Variants in STK10 observed in about 807,000 individuals in gnomAD.
STK10 encodes serine/threonine kinase 10, also known as serine/threonine-protein kinase 10.
Under a neutral mutation model 113.8 loss-of-function variants are expected in STK10, and 78 were observed. The ratio of observed to expected loss-of-function variants is 0.69; its 90% CI spans 0.57 to 0.83. STK10 has a LOEUF of 0.83. Ranked by LOEUF, STK10 falls within the 40% of genes least tolerant of loss-of-function variation. STK10 has a pLI of 0.00. For synonymous variants in STK10, 465 were observed against 494.7 expected (o/e 0.94, Z 0.80); for missense variants, 1,109 against 1,280.1 (o/e 0.87, Z 2.04).
rs1296828910 is a variant in STK10, at chr5:172,156,610, G to C, written c.321+14C>G. 4.4e-6 allele frequency: 7 copies of C among 1,608,842 alleles called. No homozygotes were observed. The highest frequency in any genetic ancestry group is 5.9e-6 in the Non-Finnish European group (7 of 1,176,560). On this transcript the variant is annotated intron_variant, in intron 2 of 18. Transcript: ENST00000176763. ...ATGGGGGCTGAGCTGGGACAGACAGGGCGGCAGCCTTACCCACAGCTTCCC... is the reference window on the plus strand; with the variant it reads ...ATGGGGGCTGAGCTGGGACAGACAGCGCGGCAGCCTTACCCACAGCTTCCC...
chr5:172,178,670 T>G (rs920045545), intron 1 of STK10, among the ~76,000 whole-genome samples: 5 of 152,210 alleles, frequency 3.3e-5, no homozygotes, highest in African/African-American at 7.2e-5. Flanking sequence ...AAGGACACAG[T>G]GGCTAAATGG....
rs1342033896 is a variant in STK10, at chr5:172,113,983, T to A, written c.520+3498A>T. ...TATGCATAGCACTGTGCAAAGAAAC[T>A]TATGCATATCATCTGCATATCTATT... On this transcript the variant is annotated intron_variant, in intron 4 of 18. Coordinates refer to ENST00000176763, the MANE Select transcript of STK10 (RefSeq NM_005990.4). Among the ~76,000 whole-genome samples the A allele has an allele frequency of 1.9e-4, 29 of 152,142 alleles. 1 individual carries two copies. The highest frequency in any genetic ancestry group is 1.9e-3 in the Admixed American group (29 of 15,260).
At chr5:172,183,246 T>C (rs1413842768) in intron 1 of STK10, among the ~76,000 whole-genome samples, 1 of 152,110 alleles carries the variant, frequency 6.6e-6, no homozygotes, top group Admixed American at 6.6e-5. Flanking sequence ...CATCTCAGCC[T>C]GCTAACCCAA....
At chr5:172,049,308 C>A (rs1005182495) in intron 18 of STK10, among the ~76,000 whole-genome samples, 6 of 152,084 alleles carry the variant, frequency 3.9e-5, no homozygotes, top group Non-Finnish European at 8.8e-5. Context: ...TGATAAACAC[C>A]ATGACAGGGG....
At chr5:172,112,770 G>T (rs1393848677) in intron 4 of STK10, among the ~76,000 whole-genome samples, 1 of 146,600 alleles carries the variant, frequency 6.8e-6, no homozygotes, top group African/African-American at 2.5e-5. Context: ...TTTTCAGATG[G>T]AGTTTCATTC....
At chr5:172,104,255 T>A (rs11955888) in intron 7 of STK10, among the ~76,000 whole-genome samples, 5,354 of 152,210 alleles carry the variant, frequency 0.035, 304 homozygotes, top group African/African-American at 0.12. Flanking sequence ...TTCCTCCCCC[T>A]CTTCCATCAG....
In STK10 at chr5:172,115,530, G is replaced by A. The variant is rs141928672; in HGVS notation, c.520+1951C>T. Among the ~76,000 whole-genome samples the A allele has an allele frequency of 7.9e-5, 12 of 152,328 alleles. No homozygotes were observed. The East Asian group carries it at 2.3e-3, about 29-fold the overall frequency. ...AACTAACTTTAAGGCCCACCCAGCTGTATTTCTTCTCCAATTTGGCTCCAT... is the reference window on the plus strand; with the variant it reads ...AACTAACTTTAAGGCCCACCCAGCTATATTTCTTCTCCAATTTGGCTCCAT... On this transcript the variant is annotated intron_variant, in intron 4 of 18. Coordinates refer to ENST00000176763, the MANE Select transcript of STK10 (RefSeq NM_005990.4).
chr5:172,150,943 T>C (rs557571060), intron 2 of STK10, among the ~76,000 whole-genome samples: 7 of 152,318 alleles, frequency 4.6e-5, no homozygotes, highest in Admixed American at 2.0e-4. Context: ...AAAGGGACTT[T>C]GGCTGCTCGC....
At chr5:172,168,893 C>G (rs989356235) in intron 1 of STK10, among the ~76,000 whole-genome samples, 2 of 152,190 alleles carry the variant, frequency 1.3e-5, no homozygotes, top group Non-Finnish European at 2.9e-5. Context: ...CAGAAACACT[C>G]AGGGTGAACC....
At chr5:172,092,691 T>C (rs1768745624) in intron 9 of STK10, 1 of 152,168 alleles carries the variant, frequency 6.6e-6, no homozygotes, top group Admixed American at 6.5e-5. Context: ...TCCTCTAAAA[T>C]GAGCTTTGGG....
Position 172,045,035 on chromosome 5 carries a change from G to A in STK10, c.2767-13C>T, listed in dbSNP as rs1335690900. The A allele has an allele frequency of 1.9e-6, 3 of 1,613,696 alleles. No homozygotes were observed. The highest frequency in any genetic ancestry group is 2.5e-6 in the Non-Finnish European group (3 of 1,179,822). On this transcript the variant is annotated splice_polypyrimidine_tract_variant and intron_variant, in intron 18 of 18. Coordinates refer to ENST00000176763, the MANE Select transcript of STK10 (RefSeq NM_005990.4). ...CCTCTTCCAGAGCCTAGGGAAGAGA[G>A]AGGATGGATGGCACTTGGTGAGATC... is the stretch of plus-strand genomic sequence containing the variant.
intron 4 of STK10, among the ~76,000 whole-genome samples, chr5:172,115,468 G>C (rs1391574271): frequency 6.6e-6 from 1 of 152,146 alleles, no homozygotes; most frequent in African/African-American, 2.4e-5. Context: ...TTAAGGGCCA[G>C]GGATACGGTC....
At position 172,042,694 on chromosome 5, in the gene STK10, G is replaced by C. The variant is rs1767404540; in HGVS notation, c.*2188C>G. Reference sequence around the variant, plus strand: ...TTCCCCAGCACCAATGCACCAAAGAGAATAAAAGGAGACAATTGTTTCGCT... The same window carrying C: ...TTCCCCAGCACCAATGCACCAAAGACAATAAAAGGAGACAATTGTTTCGCT... On this transcript the variant is annotated 3_prime_UTR_variant, in exon 19 of 19. Coordinates refer to ENST00000176763, the MANE Select transcript of STK10 (RefSeq NM_005990.4). 6.6e-6 allele frequency: 1 copy of C among 152,216 alleles called. No homozygotes were observed. The highest frequency in any genetic ancestry group is 1.5e-5 in the Non-Finnish European group (1 of 68,036). 9.4% of individuals were successfully genotyped at this position (152,216 alleles called of 1,614,324 possible). A position where few individuals can be genotyped will look rare whatever the true frequency, so the allele number is the denominator to read the frequency against.
chr5:172,151,773 T>A (rs559616797), intron 2 of STK10, among the ~76,000 whole-genome samples: 1 of 152,292 alleles, frequency 6.6e-6, no homozygotes, highest in African/African-American at 2.4e-5. Flanking sequence ...CACTGATGAA[T>A]CCCCAGCCCC....
rs113583166 is a variant in STK10, at chr5:172,070,261, ATC to A, written c.1990-5451_1990-5450del. On this transcript the variant is annotated intron_variant, in intron 12 of 18. Coordinates refer to ENST00000176763, the MANE Select transcript of STK10 (RefSeq NM_005990.4). ...AAAATTCCACCTCAAAAAAATATAT[ATC>A]TATATATCTATATATCTATATATAT... Among the ~76,000 whole-genome samples the A allele has an allele frequency of 4.5e-3, 419 of 92,502 alleles. 1 individual carries two copies. The highest frequency in any genetic ancestry group is 0.017 in the African/African-American group (378 of 22,440). 60.7% of individuals were successfully genotyped at this position (92,502 alleles called of 152,430 possible).
At position 172,182,418 on chromosome 5, in the gene STK10, T is replaced by C. The variant is rs190552080; in HGVS notation, c.156+5469A>G. Among the ~76,000 whole-genome samples, 24 of 152,140 alleles carry C rather than the reference T, an allele frequency of 1.6e-4. No homozygotes were observed. The East Asian group carries it at 4.4e-3, about 28-fold the overall frequency. On this transcript the variant is annotated intron_variant, in intron 1 of 18. Coordinates refer to ENST00000176763, the MANE Select transcript of STK10 (RefSeq NM_005990.4). ...GCCAGGGTCTCAGGGTCTCATTCTGTTGCCCAGGCTGGAGTGCAGAGGCGT... is the reference window on the plus strand; with the variant it reads ...GCCAGGGTCTCAGGGTCTCATTCTGCTGCCCAGGCTGGAGTGCAGAGGCGT...
At chr5:172,178,079 C>T (rs1007457171) in intron 1 of STK10, among the ~76,000 whole-genome samples, 5 of 152,220 alleles carry the variant, frequency 3.3e-5, no homozygotes, top group African/African-American at 4.8e-5. Flanking sequence ...CCACCCACCT[C>T]GGCCTCCCAA....
intron 4 of STK10, among the ~76,000 whole-genome samples, chr5:172,116,509 C>T (rs1769387132): frequency 6.6e-6 from 1 of 152,154 alleles, no homozygotes; most frequent in Non-Finnish European, 1.5e-5. Context: ...GGGGATGACA[C>T]ATGTATGTGT....
intron 7 of STK10, among the ~76,000 whole-genome samples, chr5:172,096,910 T>C (rs1768867865): frequency 6.6e-6 from 1 of 152,240 alleles, no homozygotes; most frequent in Admixed American, 6.5e-5. Flanking sequence ...AAGTAGGGGC[T>C]CAAGCCGTGT....
Sources: allele counts gnomAD v4.1 joint callset (sites outside exome capture counted in the v4.1 genomes callset), GRCh38; gene constraint gnomAD v4.1.1; transcripts MANE v1.5; gene names NCBI Gene and HGNC (gene_info 2026-07-23, HGNC 2026-07-21).